Variants in PRDM15 observed in about 807,000 individuals in gnomAD.
The protein encoded by PRDM15 is PR/SET domain 15.
A neutral mutation model predicts 128.6 loss-of-function variants in PRDM15; 64 were observed. The ratio of observed to expected loss-of-function variants is 0.50; its 90% CI spans 0.41 to 0.61. The LOEUF (loss-of-function observed/expected upper bound fraction) is 0.61, where lower values mean the gene tolerates loss of function less well. PRDM15 is among the 20% of genes least tolerant of loss of function. The pLI, the probability that PRDM15 is intolerant of heterozygous loss-of-function variation, is 0.00. For synonymous variants in PRDM15, 615 were observed against 621.8 expected, an observed-to-expected ratio of 0.99 and a Z score of 0.16; for missense variants, 1,242 against 1,569.1, an observed-to-expected ratio of 0.79 and a Z score of 3.52.
rs564862120 is a variant in PRDM15, at chr21:41,821,328, G to T, written c.1897-98C>A. 1.2e-5 allele frequency: 17 copies of T among 1,367,522 alleles called. No homozygotes were observed. The highest frequency in any genetic ancestry group is 1.6e-5 in the Non-Finnish European group (16 of 988,000). 84.7% of individuals were successfully genotyped at this position (1,367,522 alleles called of 1,614,324 possible). ...GTCCACAAACCAGGGCACCCGACAC[G>T]CCCTGAGAGCCCATGACTCATGCCA... On this transcript the variant is annotated intron_variant, in intron 15 of 23. Transcript: ENST00000398548. This position sits in a 1 kb window ranked among gnomAD's most constrained non-coding sequence, Gnocchi z 5.4.
chr21:41,808,463 C>T (rs1333361128), intron 21 of PRDM15, among the ~76,000 whole-genome samples: 5 of 152,230 alleles, frequency 3.3e-5, no homozygotes, highest in Non-Finnish European at 5.9e-5. Context: ...AACACGGCGA[C>T]GTCCCGGGTC....
chr21:41,860,265 C>A (rs1427370152), intron 2 of PRDM15, 62 bp downstream of exon 2: 27 of 1,329,132 alleles, frequency 2.0e-5, no homozygotes, highest in Non-Finnish European at 2.7e-5. Context: ...AGCGCCACGC[C>A]CATCTGTGTT....
At chr21:41,839,380 C>T (rs2146616166) in intron 7 of PRDM15, among the ~76,000 whole-genome samples, 1 of 152,326 alleles carries the variant, frequency 6.6e-6, no homozygotes, top group African/African-American at 2.4e-5. Context: ...GCTGGTTTCA[C>T]AGCTGTATCC....
In PRDM15 at chr21:41,799,391, T is replaced by C. The variant is rs1568860392; in HGVS notation, c.*1849A>G. 6.6e-6 allele frequency: 1 copy of C among 152,252 alleles called. No homozygotes were observed. Among genetic ancestry groups the C allele is most frequent in the Admixed American group, 6.5e-5 (1 of 15,292 alleles). 9.4% of individuals were successfully genotyped at this position (152,252 alleles called of 1,614,324 possible). A position where few individuals can be genotyped will look rare whatever the true frequency, so the allele number is the denominator to read the frequency against. On this transcript the variant is annotated 3_prime_UTR_variant, in exon 24 of 24. Coordinates refer to ENST00000398548, the MANE Select transcript of PRDM15 (RefSeq NM_001040424.3). Reference sequence around the variant, plus strand: ...GCCCGAATTCATTTGATGAGACTACTATGTATAAAACAGTTAATTATATAC... The same window carrying C: ...GCCCGAATTCATTTGATGAGACTACCATGTATAAAACAGTTAATTATATAC...
chr21:41,857,268 C>T lies in PRDM15; in HGVS notation c.193G>A (p.Ala65Thr), dbSNP rs777471493. The T allele has an allele frequency of 1.2e-5, 20 of 1,613,864 alleles. No individual in the cohort carries two copies. The South Asian group carries it at 1.8e-4, about 14-fold the overall frequency. Residue 65 changes from alanine to threonine, a missense_variant, in exon 4 of 24, where the codon GCC becomes ACC. Ala to Thr is a moderately conservative substitution (Grantham distance 58, BLOSUM62 0). Coordinates refer to ENST00000398548, the MANE Select transcript of PRDM15 (RefSeq NM_001040424.3). ...GTCCGCTTGACGAGCTGAGTGATGG[C>T]GAACACCCCCTCGGCTCCATCTTCC... ...RLEDGAEGVFAITQLVKRTQF... is the reference protein window; with the variant it reads ...RLEDGAEGVFTITQLVKRTQF...
chr21:41,828,398 C>T lies in PRDM15; in HGVS notation c.1367-65G>A, dbSNP rs1258995359. 21 of 1,567,852 alleles carry T rather than the reference C, an allele frequency of 1.3e-5. No homozygotes were observed. Among genetic ancestry groups the T allele is most frequent in the South Asian group, 8.9e-5 (8 of 89,704 alleles). On this transcript the variant is annotated intron_variant, in intron 11 of 23. Coordinates refer to ENST00000398548, the MANE Select transcript of PRDM15 (RefSeq NM_001040424.3). The surrounding 1 kb of genome is among the most constrained non-coding windows in gnomAD (Gnocchi z 5.7). Reference sequence around the variant, plus strand: ...AAATAACATCTCACGCAGGCACGCACGTGTGGCCTGAACGTCAATAAAGCG... The same window carrying T: ...AAATAACATCTCACGCAGGCACGCATGTGTGGCCTGAACGTCAATAAAGCG...
chr21:41,819,402 C>G (rs79284094), intron 18 of PRDM15, among the ~76,000 whole-genome samples, 180 bp downstream of exon 18: 1,630 of 151,382 alleles, frequency 0.011, 32 homozygotes, highest in African/African-American at 0.038. Context: ...CCTGGCTGAG[C>G]CTGGCCCGTG....
Position 41,804,624 on chromosome 21 carries a change from G to A in PRDM15, c.2653-10C>T. ...TCCTCACCGCGAGCACCTATGAGGA[G>A]CACAGGGCATGAGCTGGGGGTCAGG... On this transcript the variant is annotated splice_polypyrimidine_tract_variant and intron_variant, in intron 21 of 23. Transcript: ENST00000398548. 1.3e-6 allele frequency: 2 copies of A among 1,548,452 alleles called. No individual in the cohort carries two copies. Among genetic ancestry groups the A allele is most frequent in the East Asian group, 2.4e-5 (1 of 41,770 alleles).
At chr21:41,861,683 C>T (rs2063818101) in intron 1 of PRDM15, 1 of 1,614,082 alleles carries the variant, frequency 6.2e-7, no homozygotes, top group Admixed American at 1.7e-5. Context: ...TCATCCCCAG[C>T]AGCTTGAAGG....
intron 5 of PRDM15, among the ~76,000 whole-genome samples, chr21:41,847,621 C>T (rs1235229316): frequency 1.3e-5 from 2 of 152,212 alleles, no homozygotes; most frequent in African/African-American, 4.8e-5. Flanking sequence ...AGTGGCGCCC[C>T]CGTGTGTGGC....
rs1159408992 is a variant in PRDM15 at position 41,859,659 on chromosome 21, C to T, written c.64G>A (p.Asp22Asn). ...GGGCCCAGCTCGGGACATTCGGAGT[C>T]GTGGTACTGGCTGCAGTCTTCACAC... ...IWCEDCSQYH[D>N]SECPELGPVV... The change falls in exon 3 of 24, where the codon GAC (aspartate) becomes AAC (asparagine). Residue 22 changes from aspartate to asparagine, a missense_variant. This residue lies in a region of PRDM15 where 612 missense variants were observed against 717.0 expected (regional missense o/e 0.85). Transcript: ENST00000398548. This position sits in a 1 kb window ranked among gnomAD's most constrained non-coding sequence, Gnocchi z 5.3. 10 of 1,613,770 alleles carry T rather than the reference C, an allele frequency of 6.2e-6. No homozygotes were observed. The highest frequency in any genetic ancestry group is 1.3e-5 in the African/African-American group (1 of 74,832).
chr21:41,803,042 C>A (rs1009605465), intron 22 of PRDM15, 121 bp from the exon 23 acceptor site: 1 of 756,232 alleles, frequency 1.3e-6, no homozygotes, highest in Non-Finnish European at 2.3e-6. Context: ...TGTGGGCCAC[C>A]GAGCTGCCAC....
intron 6 of PRDM15, 108 bp downstream of exon 6, chr21:41,846,982 A>C: frequency 1.1e-5 from 8 of 727,332 alleles, no homozygotes; most frequent in Non-Finnish European, 1.8e-5. Flanking sequence ...TGGGGCAGAC[A>C]GGACAAAGTC....
intron 21 of PRDM15, among the ~76,000 whole-genome samples, chr21:41,807,534 T>G (rs1203679640): frequency 1.3e-5 from 2 of 152,090 alleles, no homozygotes; most frequent in Non-Finnish European, 2.9e-5. Flanking sequence ...TCCCCTTCCT[T>G]CCCCTCACAC....
Position 41,839,856 on chromosome 21 carries a change from G to T in PRDM15, c.641-3C>A. The T allele has an allele frequency of 6.2e-7, 1 of 1,613,590 alleles. No individual in the cohort carries two copies. The highest frequency in any genetic ancestry group is 8.5e-7 in the Non-Finnish European group (1 of 1,179,558). ...TTCTAAGTGGCCCAACAGATGTTCT[G>T]CAAAGAGAGACGCGAATGCACCACA... On this transcript the variant is annotated splice_polypyrimidine_tract_variant and splice_region_variant and intron_variant, in intron 6 of 23. Transcript: ENST00000398548.
Position 41,832,418 on chromosome 21 carries a change from C to T in PRDM15, c.1366+3019G>A, listed in dbSNP as rs2062724575. Reference sequence around the variant, plus strand: ...TCACCAGAGGCCACACCTTACAGCGCTGTGGCATCGGATCACCACAGGCCA... The same window carrying T: ...TCACCAGAGGCCACACCTTACAGCGTTGTGGCATCGGATCACCACAGGCCA... On this transcript the variant is annotated intron_variant, in intron 11 of 23. Transcript: ENST00000398548. This position sits in a 1 kb window ranked among gnomAD's most constrained non-coding sequence, Gnocchi z 4.2. Among the ~76,000 whole-genome samples, 2 of 152,020 alleles carry T rather than the reference C, an allele frequency of 1.3e-5. No individual in the cohort carries two copies. Among genetic ancestry groups the T allele is most frequent in the South Asian group, 2.1e-4 (1 of 4,814 alleles).
In PRDM15 at chr21:41,847,072, C is replaced by G. The variant is rs868230953; in HGVS notation, c.640+18G>C. On this transcript the variant is annotated intron_variant, in intron 6 of 23. Transcript: ENST00000398548. ...CACAGGAGTTTTACAACTGGGGCTC[C>G]CCACACGTCCTCCTTACCATTGAGG... The G allele has an allele frequency of 4.0e-6, 6 of 1,496,722 alleles. No individual in the cohort carries two copies. The highest frequency in any genetic ancestry group is 3.5e-4 in the Middle Eastern group (2 of 5,664). The allele number at this position is 1,496,722 out of a possible 1,614,324, so 92.7% of individuals were successfully genotyped here.
rs2146185065 is a variant in PRDM15 at position 41,805,934 on chromosome 21, C to T, written c.2653-1320G>A. 2.0e-5 allele frequency among the ~76,000 whole-genome samples: 3 copies of T among 150,910 alleles called. 1 individual carries two copies. In the South Asian group the frequency reaches 6.4e-4, roughly 32 times the overall value. On this transcript the variant is annotated intron_variant, in intron 21 of 23. Coordinates refer to ENST00000398548, the MANE Select transcript of PRDM15 (RefSeq NM_001040424.3). Reference sequence around the variant, plus strand: ...CCACCAACACTGTCACCACCATCATCAGTACCACTACCACCACGTGGCATC... The same window carrying T: ...CCACCAACACTGTCACCACCATCATTAGTACCACTACCACCACGTGGCATC...
chr21:41,863,040 G>A (rs182722443), intron 1 of PRDM15, among the ~76,000 whole-genome samples: 1 of 151,962 alleles, frequency 6.6e-6, no homozygotes, highest in African/African-American at 2.4e-5. Context: ...GCGGTGGCAC[G>A]TGCCTGTAAT....
Sources: allele counts gnomAD v4.1 joint callset (sites outside exome capture counted in the v4.1 genomes callset), GRCh38; gene constraint gnomAD v4.1.1; regional missense constraint gnomAD v4.1.1; non-coding constraint Gnocchi (gnomAD v3.1); transcripts MANE v1.5; gene names NCBI Gene and HGNC (gene_info 2026-07-23, HGNC 2026-07-21).